IFNAR1: variants seen among roughly 807,000 people sequenced by gnomAD.
IFNAR1 encodes the protein interferon alpha and beta receptor subunit 1.
IFNAR1 carries 47 observed loss-of-function variants against 62.1 expected under a neutral mutation model. The ratio of observed to expected loss-of-function variants is 0.76; its 90% confidence interval spans 0.60 to 0.97. The LOEUF (loss-of-function observed/expected upper bound fraction) is 0.97. IFNAR1 is among the 50% of genes least tolerant of loss of function. The probability of loss-of-function intolerance (pLI) is 0.00; values close to 1 mark genes in which losing one functional copy is unlikely to be tolerated. For missense variants in IFNAR1, 638 were observed against 654.5 expected (o/e 0.97, Z 0.27); for synonymous variants, 219 against 226.9 (o/e 0.97, Z 0.31).
chr21:33,355,484 AATT>A lies in IFNAR1; in HGVS notation c.1613_1615del (p.Tyr538del), dbSNP rs766465612. On this transcript the variant is annotated inframe_deletion, in exon 11 of 11. Transcript: ENST00000270139. The stretch of plus-strand genomic sequence containing the variant: ...TTCCCAAACTAGCCAAGATTCAGGA[AATT>A]ATTCTAATGAAGATGAAAGCGAAAG... 1 of 1,606,832 alleles carries A rather than the reference AATT, an allele frequency of 6.2e-7. No individual in the cohort carries two copies. The highest frequency in any genetic ancestry group is 8.5e-7 in the Non-Finnish European group (1 of 1,177,714).
chr21:33,328,101 GTTTT>G (rs1284234419), intron 1 of IFNAR1, among the ~76,000 whole-genome samples: 1 of 152,212 alleles, frequency 6.6e-6, no homozygotes, highest in African/African-American at 2.4e-5. Context: ...AGGGGTTTTT[GTTTT>G]GTTTGTTTTC....
chr21:33,356,413 A>AAG lies in IFNAR1; in HGVS notation c.*864_*865insAG, dbSNP rs2083449088. On this transcript the variant is annotated 3_prime_UTR_variant, in exon 11 of 11. Transcript: ENST00000270139. The stretch of plus-strand genomic sequence containing the variant: ...TCTGGAAAGTAGCTTACCCTAGAAA[A>AAG]CAGCTGCAAATGCCAGAAAGATGAT... 1.3e-5 allele frequency: 2 copies of AAG among 152,218 alleles called. No individual in the cohort carries two copies. Among genetic ancestry groups the AAG allele is most frequent in the African/African-American group, 4.8e-5 (2 of 41,468 alleles). The allele number at this position is 152,218 out of a possible 1,614,324, so 9.4% of individuals were successfully genotyped here.
At chr21:33,346,123 A>G (rs17875881) in intron 6 of IFNAR1, among the ~76,000 whole-genome samples, 3,956 of 152,330 alleles carry the variant, frequency 0.026, 83 homozygotes, top group Non-Finnish European at 0.036. Flanking sequence ...AAAAGCTGAT[A>G]AAAGAGAACT....
chr21:33,343,721 A>G (rs901183472), intron 5 of IFNAR1, 45 bp downstream of exon 5: 21 of 1,418,058 alleles, frequency 1.5e-5, no homozygotes, highest in Non-Finnish European at 2.0e-5. Flanking sequence ...ATATAAACAG[A>G]TTGTCAATTT....
intron 1 of IFNAR1, 62 bp downstream of exon 1, chr21:33,325,193 G>T: frequency 7.0e-7 from 1 of 1,419,142 alleles, no homozygotes; most frequent in Non-Finnish European, 9.8e-7. Context: ...GCTGGGCTAC[G>T]GGGGCGGCGA....
rs1568929098 is a variant in IFNAR1, at chr21:33,341,005, G to A, written c.207G>A (p.Gly69=). ...VTFSFDYQKT[G]MDNWIKLSGC... ...TGTTTTTTTTACTTTAAAGAACTGG[G>A]ATGGATAATTGGATAAAATTGTCTG... The change falls in exon 3 of 11, where the codon GGG becomes GGA. Residue 69 remains glycine (G), a synonymous_variant. Transcript: ENST00000270139. 6.2e-7 allele frequency: 1 copy of A among 1,604,056 alleles called. No individual in the cohort carries two copies. Among genetic ancestry groups the A allele is most frequent in the Middle Eastern group, 1.7e-4 (1 of 6,022 alleles).
rs538076513 is a variant in IFNAR1, at chr21:33,330,404, AAAC to A, written c.77-5116_77-5114del. ...GGATATTAAAGACTAGGACATTTAA[AAAC>A]AACTGCATTTATGGGGAAAATTAGA... On this transcript the variant is annotated intron_variant, in intron 1 of 10. Transcript: ENST00000270139. Among the ~76,000 whole-genome samples the A allele has an allele frequency of 2.0e-3, 306 of 152,308 alleles. 1 individual carries two copies. Among genetic ancestry groups the A allele is most frequent in the African/African-American group, 6.9e-3 (288 of 41,562 alleles).
intron 6 of IFNAR1, among the ~76,000 whole-genome samples, chr21:33,345,685 C>T (rs771015620): frequency 1.2e-4 from 18 of 152,334 alleles, no homozygotes; most frequent in African/African-American, 4.3e-4. Flanking sequence ...CTGGAAGACT[C>T]GACAGTTGAC....
At chr21:33,335,061 A>T in intron 1 of IFNAR1, 1 of 1,118,000 alleles carries the variant, frequency 8.9e-7, no homozygotes, top group Non-Finnish European at 1.4e-6. Context: ...TACTGCAGGG[A>T]GGAAGCCAGC....
At position 33,342,253 on chromosome 21, in the gene IFNAR1, A is replaced by G. The variant is rs142932918; in HGVS notation, c.377-1015A>G. Among the ~76,000 whole-genome samples, 378 of 152,144 alleles carry G rather than the reference A, an allele frequency of 2.5e-3. 1 individual carries two copies. The highest frequency in any genetic ancestry group is 8.6e-3 in the African/African-American group (357 of 41,506). ...GTGAGACCCCATCTCTACAAAAAATATATAAAAATTAGCCAGGCATGGTGG... is the reference window on the plus strand; with the variant it reads ...GTGAGACCCCATCTCTACAAAAAATGTATAAAAATTAGCCAGGCATGGTGG... On this transcript the variant is annotated intron_variant, in intron 3 of 10. Transcript: ENST00000270139.
chr21:33,331,477 C>A (rs2083180269), intron 1 of IFNAR1, among the ~76,000 whole-genome samples: 1 of 152,162 alleles, frequency 6.6e-6, no homozygotes, highest in Admixed American at 6.5e-5. Context: ...AGCTGAGACA[C>A]CCTGTTCTAC....
At chr21:33,335,441 A>G in intron 1 of IFNAR1, 83 bp from the exon 2 acceptor site, 1 of 721,508 alleles carries the variant, frequency 1.4e-6, no homozygotes, top group East Asian at 3.0e-5. Flanking sequence ...TCATTCTTTA[A>G]TCAGGGATGT....
chr21:33,347,285 A>G (rs1344605588), intron 6 of IFNAR1, among the ~76,000 whole-genome samples: 1 of 152,118 alleles, frequency 6.6e-6, no homozygotes. Context: ...GTGCACCACC[A>G]CACCCAGCTA....
intron 1 of IFNAR1, among the ~76,000 whole-genome samples, chr21:33,332,323 G>A (rs1378444493): frequency 3.3e-5 from 5 of 152,094 alleles, no homozygotes; most frequent in Non-Finnish European, 5.9e-5. Flanking sequence ...CCATACCACT[G>A]CATCTGTCAG....
At chr21:33,326,691 AC>A (rs2083129946) in intron 1 of IFNAR1, among the ~76,000 whole-genome samples, 1 of 152,138 alleles carries the variant, frequency 6.6e-6, no homozygotes, top group Non-Finnish European at 1.5e-5. Flanking sequence ...AATGCTAGTA[AC>A]AGCCATTCGT....
chr21:33,350,161 G>T (rs577036279), intron 8 of IFNAR1, among the ~76,000 whole-genome samples: 1 of 150,448 alleles, frequency 6.6e-6, no homozygotes, highest in Non-Finnish European at 1.5e-5. Flanking sequence ...CACTATTGAC[G>T]TTTGGGCTGG....
intron 6 of IFNAR1, among the ~76,000 whole-genome samples, chr21:33,348,382 A>G (rs1157440721): frequency 2.0e-5 from 3 of 152,246 alleles, no homozygotes; most frequent in Non-Finnish European, 4.4e-5. Context: ...GCACACCACT[A>G]TCATATAGCT....
chr21:33,343,168 A>T (rs2083309920), intron 3 of IFNAR1, 100 bp from the exon 4 acceptor site: 1 of 902,440 alleles, frequency 1.1e-6, no homozygotes, highest in Non-Finnish European at 1.7e-6. Flanking sequence ...AACTCCCAGA[A>T]GTGGCAGGCA....
At chr21:33,351,229 G>A (rs748384065) in intron 8 of IFNAR1, among the ~76,000 whole-genome samples, 16 of 152,192 alleles carry the variant, frequency 1.1e-4, no homozygotes, top group African/African-American at 7.2e-5. Context: ...TACTTGGGAC[G>A]GTGACTTCTT....
Sources: allele counts gnomAD v4.1 joint callset (sites outside exome capture counted in the v4.1 genomes callset), GRCh38; gene constraint gnomAD v4.1.1; transcripts MANE v1.5; gene names NCBI Gene and HGNC (gene_info 2026-07-23, HGNC 2026-07-21).